CACHD1: variants seen among roughly 807,000 people sequenced by gnomAD.
The protein encoded by CACHD1 is VWFA and cache domain-containing protein 1.
A neutral mutation model predicts 138.7 loss-of-function variants in CACHD1; 71 were observed. The observed-to-expected ratio is 0.51, with a 90% CI of 0.42 to 0.62. The LOEUF (loss-of-function observed/expected upper bound fraction) is 0.62. Ranked by LOEUF, CACHD1 falls within the 20% of genes least tolerant of loss-of-function variation. CACHD1 has a pLI of 0.00. For synonymous variants in CACHD1, 578 were observed against 591.5 expected (o/e 0.98, Z 0.33); for missense variants, 1,389 against 1,625.3 (o/e 0.85, Z 2.50).
rs371062197 is a variant in CACHD1 at position 64,681,308 on chromosome 1, G to A, written c.3457G>A (p.Asp1153Asn). 36 of 1,613,832 alleles carry A rather than the reference G, an allele frequency of 2.2e-5. No homozygotes were observed. The Admixed American group carries it at 2.3e-4, about 10-fold the overall frequency. ...GGAGAATGACAGAGATGAAAGGGACGACGACAGCCACGAAGACAGAGGCAT... is the reference window on the plus strand; with the variant it reads ...GGAGAATGACAGAGATGAAAGGGACAACGACAGCCACGAAGACAGAGGCAT... Reference protein sequence around the residue: ...NLENDRDERDDDSHEDRGIIS... With the variant: ...NLENDRDERDNDSHEDRGIIS... Residue 1153 changes from aspartate to asparagine, a missense_variant, in exon 25 of 27, where the codon GAC becomes AAC. Physicochemically the swap from Asp to Asn is conservative, Grantham distance 23. Around this residue, in one of 5 missense-constraint regions of CACHD1, gnomAD observed 250 missense variants for 292.9 expected, o/e 0.85. Transcript: ENST00000651257.
Position 64,690,035 on chromosome 1 carries a change from A to G in CACHD1, c.3587-1288A>G, listed in dbSNP as rs564808221. Among the ~76,000 whole-genome samples the G allele has an allele frequency of 2.0e-5, 3 of 152,340 alleles. No individual in the cohort carries two copies. In the East Asian group the frequency reaches 5.8e-4, roughly 29 times the overall value. Reference sequence around the variant, plus strand: ...TTTCCTCTTCTCCCGCTCCAGCCCCATAATGGTCTCCAATAAATGAATAAG... The same window carrying G: ...TTTCCTCTTCTCCCGCTCCAGCCCCGTAATGGTCTCCAATAAATGAATAAG... On this transcript the variant is annotated intron_variant, in intron 26 of 26. Coordinates refer to ENST00000651257, the MANE Select transcript of CACHD1 (RefSeq NM_020925.4).
intron 4 of CACHD1, among the ~76,000 whole-genome samples, chr1:64,626,261 G>A (rs1189828916): frequency 6.6e-6 from 1 of 152,218 alleles, no homozygotes; most frequent in Non-Finnish European, 1.5e-5. Context: ...TAGAAATAAA[G>A]ACGAAACTGG....
chr1:64,526,588 G>T (rs1646540574), intron 1 of CACHD1, among the ~76,000 whole-genome samples: 1 of 152,208 alleles, frequency 6.6e-6, no homozygotes, highest in African/African-American at 2.4e-5. Flanking sequence ...GGGGGGTGAG[G>T]AGAGCATGTC....
rs1171847733 is a variant in CACHD1, at chr1:64,632,707, T to C, written c.753T>C (p.Ala251=). The C allele has an allele frequency of 6.2e-7, 1 of 1,614,048 alleles. No homozygotes were observed. Among genetic ancestry groups the C allele is most frequent in the Admixed American group, 1.7e-5 (1 of 60,004 alleles). The change falls in exon 6 of 27, where the codon GCT becomes GCC. Residue 251 remains alanine (A), a synonymous_variant. Transcript: ENST00000651257. ...DTQLQIAKDA[A]QVILSAIDEH... ...AGCTTCAGATTGCCAAGGACGCTGC[T>C]CAGGTCATCCTCAGCGCCATCGATG...
chr1:64,671,809 G>T, intron 17 of CACHD1, 123 bp downstream of exon 17: 1 of 1,198,364 alleles, frequency 8.3e-7, no homozygotes, highest in Admixed American at 2.1e-5. Flanking sequence ...TATGGCCTGG[G>T]TGTCCTATTA....
chr1:64,588,119 C>A (rs886880619), intron 3 of CACHD1, among the ~76,000 whole-genome samples: 2 of 152,172 alleles, frequency 1.3e-5, no homozygotes, highest in Admixed American at 6.5e-5. Context: ...ATTTATATCA[C>A]TATTTGGCCC....
At chr1:64,567,050 C>T (rs1191333338) in intron 2 of CACHD1, among the ~76,000 whole-genome samples, 1 of 152,074 alleles carries the variant, frequency 6.6e-6, no homozygotes, top group African/African-American at 2.4e-5. Flanking sequence ...ATAGTTCACA[C>T]TGTAGTGCTC....
chr1:64,673,329 T>C lies in CACHD1; in HGVS notation c.2611-19T>C. The C allele has an allele frequency of 3.1e-6, 5 of 1,613,480 alleles. No homozygotes were observed. Among genetic ancestry groups the C allele is most frequent in the Non-Finnish European group, 4.2e-6 (5 of 1,179,444 alleles). On this transcript the variant is annotated intron_variant, in intron 18 of 26. Coordinates refer to ENST00000651257, the MANE Select transcript of CACHD1 (RefSeq NM_020925.4). ...CTCACTACATGGCATATGTCTTCTGTTCTCTTTGGCCTTGGTAGGAGCCCC... is the reference window on the plus strand; with the variant it reads ...CTCACTACATGGCATATGTCTTCTGCTCTCTTTGGCCTTGGTAGGAGCCCC...
Position 64,618,075 on chromosome 1 carries a change from A to C in CACHD1, c.518-11280A>C, listed in dbSNP as rs942984748. ...AGCTTGGGCAACAAGAGTGAAACTCAGTCTCAAAAAAAAAAAAAAGTAACC... is the reference window on the plus strand; with the variant it reads ...AGCTTGGGCAACAAGAGTGAAACTCCGTCTCAAAAAAAAAAAAAAGTAACC... On this transcript the variant is annotated intron_variant, in intron 4 of 26. Transcript: ENST00000651257. 2.9e-4 allele frequency among the ~76,000 whole-genome samples: 18 copies of C among 62,696 alleles called. 3 individuals carry two copies. The highest frequency in any genetic ancestry group is 1.5e-3 in the Admixed American group (7 of 4,692). 41.1% of individuals were successfully genotyped at this position (62,696 alleles called of 152,430 possible). A position where few individuals can be genotyped will look rare whatever the true frequency, so the allele number is the denominator to read the frequency against.
intron 1 of CACHD1, among the ~76,000 whole-genome samples, chr1:64,543,284 G>T (rs1039374989): frequency 1.2e-4 from 18 of 151,316 alleles, no homozygotes; most frequent in South Asian, 2.1e-4. Context: ...GGCCAGGCAT[G>T]GCGGCTCATG....
chr1:64,519,026 A>T (rs1207176708), intron 1 of CACHD1, among the ~76,000 whole-genome samples: 1 of 152,096 alleles, frequency 6.6e-6, no homozygotes, highest in Non-Finnish European at 1.5e-5. Context: ...CTTCCTCATT[A>T]TGTTAATTAT....
chr1:64,541,979 A>G (rs1406519997), intron 1 of CACHD1, among the ~76,000 whole-genome samples: 1 of 152,148 alleles, frequency 6.6e-6, no homozygotes, highest in African/African-American at 2.4e-5. Flanking sequence ...ATAGTAGACT[A>G]TCATAGAACA....
intron 1 of CACHD1, among the ~76,000 whole-genome samples, chr1:64,521,110 A>G (rs912715062): frequency 6.6e-6 from 1 of 152,222 alleles, no homozygotes; most frequent in Non-Finnish European, 1.5e-5. Context: ...GGCAGCTGGT[A>G]CTTCAGTTCC....
intron 2 of CACHD1, among the ~76,000 whole-genome samples, chr1:64,578,611 T>C (rs1240719299): frequency 2.6e-5 from 4 of 152,188 alleles, no homozygotes; most frequent in African/African-American, 9.7e-5. Flanking sequence ...GTCCATGGCT[T>C]CATCAAGGGG....
chr1:64,647,737 CA>C, intron 8 of CACHD1, 63 bp from the exon 9 acceptor site: 1 of 1,395,596 alleles, frequency 7.2e-7, no homozygotes, highest in South Asian at 1.3e-5. Context: ...ATCTAAATGG[CA>C]AGAGGTTGAA....
At chr1:64,603,507 T>C (rs1043944836) in intron 4 of CACHD1, among the ~76,000 whole-genome samples, 1 of 152,204 alleles carries the variant, frequency 6.6e-6, no homozygotes, top group Non-Finnish European at 1.5e-5. Context: ...ACATCTGTTA[T>C]TTTAAAGGTT....
intron 16 of CACHD1, among the ~76,000 whole-genome samples, chr1:64,666,815 C>T (rs1428943641): frequency 2.1e-5 from 3 of 139,742 alleles, no homozygotes; most frequent in South Asian, 4.6e-4. Context: ...TGAGGCTGCA[C>T]TCTAGCCTGG....
At chr1:64,518,551 A>G (rs1646475650) in intron 1 of CACHD1, among the ~76,000 whole-genome samples, 1 of 152,200 alleles carries the variant, frequency 6.6e-6, no homozygotes. Flanking sequence ...AAATGGAAGC[A>G]GGTCTAAGAT....
In CACHD1 at chr1:64,682,028, G is replaced by A. The variant is rs1197754184; in HGVS notation, c.3508G>A (p.Ala1170Thr). Residue 1170 changes from alanine to threonine, a missense_variant, in exon 26 of 27, where the codon GCG (alanine) becomes ACG (threonine). Ala to Thr is a moderately conservative substitution (Grantham distance 58). This residue lies in a region of CACHD1 where 250 missense variants were observed against 292.9 expected (regional missense o/e 0.85). Coordinates refer to ENST00000651257, the MANE Select transcript of CACHD1 (RefSeq NM_020925.4). ...GIISNTRFIA[A>T]VIERHAHSPE... The stretch of plus-strand genomic sequence containing the variant: ...AGTCAGCAACACTCGGTTTATAGCT[G>A]CGGTCATCGAACGACATGCACACAG... 2 of 1,614,110 alleles carry A rather than the reference G, an allele frequency of 1.2e-6. No homozygotes were observed. Among genetic ancestry groups the A allele is most frequent in the South Asian group, 2.2e-5 (2 of 91,076 alleles).
Sources: allele counts gnomAD v4.1 joint callset (sites outside exome capture counted in the v4.1 genomes callset), GRCh38; gene constraint gnomAD v4.1.1; regional missense constraint gnomAD v4.1.1; transcripts MANE v1.5; gene names NCBI Gene and HGNC (gene_info 2026-07-23, HGNC 2026-07-21).